LRRK1: variants seen among roughly 807,000 people sequenced by gnomAD.
LRRK1 encodes leucine rich repeat kinase 1.
In LRRK1, 113 loss-of-function variants were observed where a neutral mutation model predicts 209.1. The observed-to-expected ratio is 0.54, with a 90% CI of 0.46 to 0.63. The LOEUF is 0.63. Ranked by LOEUF, LRRK1 falls within the 30% of genes least tolerant of loss-of-function variation. LRRK1 has a pLI of 0.00. For missense variants in LRRK1, 2,284 were observed against 2,632.2 expected, an observed-to-expected ratio of 0.87 and a Z score of 2.89; for synonymous variants, 1,144 against 1,099.7, an observed-to-expected ratio of 1.04 and a Z score of -0.80.
chr15:101,036,347 G>A (rs1212593737), intron 20 of LRRK1, among the ~76,000 whole-genome samples: 1 of 151,862 alleles, frequency 6.6e-6, no homozygotes, highest in African/African-American at 2.4e-5. Flanking sequence ...TTGTCTTCAA[G>A]TTCTGAGATT....
chr15:100,994,005 A>G (rs1462773693), intron 6 of LRRK1, among the ~76,000 whole-genome samples: 1 of 152,206 alleles, frequency 6.6e-6, no homozygotes, highest in Non-Finnish European at 1.5e-5. Context: ...TAAGTGCTCA[A>G]TAAATATTAG....
intron 7 of LRRK1, among the ~76,000 whole-genome samples, chr15:101,009,843 C>T (rs961910443): frequency 1.3e-4 from 20 of 152,212 alleles, no homozygotes; most frequent in Non-Finnish European, 2.5e-4. Flanking sequence ...GCCTCGGCCT[C>T]CCAAAGTGCT....
At chr15:101,052,242 T>A (rs2035500930) in intron 24 of LRRK1, among the ~76,000 whole-genome samples, 1 of 152,190 alleles carries the variant, frequency 6.6e-6, no homozygotes, top group Non-Finnish European at 1.5e-5. Context: ...CTTCCCCTCG[T>A]AGCCAGAGCT....
Position 101,025,903 on chromosome 15 carries a change from T to C in LRRK1, c.2233-62T>C, listed in dbSNP as rs186228833. The C allele has an allele frequency of 1.1e-3, 1,678 of 1,576,190 alleles. 23 individuals carry two copies. The Admixed American group carries it at 0.024, about 22-fold the overall frequency. ...TCAGCGCACCTGCACAGCTGGGAGC[T>C]CTGTCCTGTCCCTTGTTCCATGAAC... On this transcript the variant is annotated intron_variant, in intron 16 of 33. Transcript: ENST00000388948.
At chr15:101,042,985 G>T (rs989144687) in intron 20 of LRRK1, among the ~76,000 whole-genome samples, 5 of 152,196 alleles carry the variant, frequency 3.3e-5, no homozygotes, top group South Asian at 4.1e-4. Flanking sequence ...ATGATGCTCT[G>T]CCCTAAACCA....
In LRRK1 at chr15:101,066,694, G is replaced by C; in HGVS notation, c.5823G>C (p.Arg1941=). Residue 1941 remains arginine (R), a synonymous_variant, in exon 33 of 34, where the codon CGG becomes CGC. Transcript: ENST00000388948. Reference sequence around the variant, plus strand: ...TGGAGAAGGATTCTGGCGCCCAGCGGGGCCGAGTCATTGCCGTCTTAAAAG... The same window carrying C: ...TGGAGAAGGATTCTGGCGCCCAGCGCGGCCGAGTCATTGCCGTCTTAAAAG... ...IGLEKDSGAQ[R]GRVIAVLKAR... 6.2e-7 allele frequency: 1 copy of C among 1,614,214 alleles called. No individual in the cohort carries two copies. The highest frequency in any genetic ancestry group is 8.5e-7 in the Non-Finnish European group (1 of 1,180,040).
At chr15:100,921,611 C>T (rs2042023500) in intron 1 of LRRK1, among the ~76,000 whole-genome samples, 2 of 152,240 alleles carry the variant, frequency 1.3e-5, no homozygotes, top group Non-Finnish European at 2.9e-5. Context: ...CTGTCAGAAG[C>T]TTTATAGCAA....
chr15:101,047,591 T>C (rs1324828589), intron 21 of LRRK1, among the ~76,000 whole-genome samples: 1 of 151,922 alleles, frequency 6.6e-6, no homozygotes, highest in Non-Finnish European at 1.5e-5. Context: ...GGGAAAAGAG[T>C]GCAGTCTCAT....
rs780297504 is a variant in LRRK1 at position 101,061,255 on chromosome 15, C to T, written c.4764C>T (p.Leu1588=). 6.2e-7 allele frequency: 1 copy of T among 1,614,062 alleles called. No individual in the cohort carries two copies. ...CTGGGATGAAGGTGAGCTGCCAGCT[C>T]CAGGTCCAGAGATCCCTGTGGACAG... is the stretch of plus-strand genomic sequence containing the variant. The part of the protein sequence containing the change: ...CCPGMKVSCQ[L]QVQRSLWTAT... The change falls in exon 30 of 34, where the codon CTC becomes CTT. Residue 1588 remains leucine (L), a synonymous_variant. Transcript: ENST00000388948.
chr15:101,063,419 C>G (rs1006591595), intron 31 of LRRK1, among the ~76,000 whole-genome samples: 1 of 152,228 alleles, frequency 6.6e-6, no homozygotes, highest in African/African-American at 2.4e-5. Context: ...CAGACGGCCT[C>G]CGATTCAGTT....
At position 100,953,508 on chromosome 15, in the gene LRRK1, C is replaced by CTA. The variant is rs60971994; in HGVS notation, c.98-20271_98-20270dup. Among the ~76,000 whole-genome samples, 635 of 146,568 alleles carry CTA rather than the reference C, an allele frequency of 4.3e-3. 1 individual carries two copies. The highest frequency in any genetic ancestry group is 0.027 in the East Asian group (133 of 5,016). The stretch of plus-strand genomic sequence containing the variant: ...CCATTGTGTGTGTGTATGTGTGTGT[C>CTA]TATATATATATATATATATATATAT... On this transcript the variant is annotated intron_variant, in intron 2 of 33. Transcript: ENST00000388948.
chr15:100,981,235 G>A (rs908063115), intron 3 of LRRK1, among the ~76,000 whole-genome samples: 6 of 152,184 alleles, frequency 3.9e-5, no homozygotes, highest in African/African-American at 9.7e-5. Flanking sequence ...CTCCTATGAC[G>A]TCACTTACCA....
At chr15:101,063,662 C>T (rs1035042178) in intron 31 of LRRK1, among the ~76,000 whole-genome samples, 1 of 133,482 alleles carries the variant, frequency 7.5e-6, no homozygotes, top group African/African-American at 2.6e-5. Flanking sequence ...TTCCAGTTTG[C>T]CCATCTACAA....
At chr15:100,938,615 C>T (rs1261767311) in intron 2 of LRRK1, among the ~76,000 whole-genome samples, 3 of 152,026 alleles carry the variant, frequency 2.0e-5, no homozygotes, top group Non-Finnish European at 2.9e-5. Flanking sequence ...ACCCCCTTCT[C>T]TCTCTTTCCA....
intron 2 of LRRK1, among the ~76,000 whole-genome samples, chr15:100,952,816 G>A (rs1365627823): frequency 2.0e-5 from 3 of 152,154 alleles, no homozygotes; most frequent in Non-Finnish European, 4.4e-5. Context: ...CAGGTTTTAA[G>A]TCTGCGTCAT....
At position 101,021,954 on chromosome 15, in the gene LRRK1, G is replaced by A. The variant is rs755662621; in HGVS notation, c.1849G>A (p.Glu617Lys). 4 of 1,609,408 alleles carry A rather than the reference G, an allele frequency of 2.5e-6. No individual in the cohort carries two copies. Among genetic ancestry groups the A allele is most frequent in the Non-Finnish European group, 2.6e-6 (3 of 1,175,854 alleles). ...CAATGTGCCTGCAGAAATCCAAAAA[G>A]AAGGTAGGGCTTCCGCAGCCCTGTC... ...ISNVPAEIQK[E>K]GPKAMLSYLR... Residue 617 changes from glutamate (E) to lysine (K), a missense_variant, in exon 14 of 34, where the codon GAA becomes AAA. Around this residue, in one of 6 missense-constraint regions of LRRK1, gnomAD observed 494 missense variants for 522.1 expected, o/e 0.95. Transcript: ENST00000388948.
chr15:100,946,817 T>C (rs1416813566), intron 2 of LRRK1, among the ~76,000 whole-genome samples: 1 of 152,150 alleles, frequency 6.6e-6, no homozygotes, highest in African/African-American at 2.4e-5. Context: ...TTGAACAACA[T>C]ACCAATTAGA....
At chr15:100,941,535 G>A (rs1596174245) in intron 2 of LRRK1, among the ~76,000 whole-genome samples, 2 of 151,062 alleles carry the variant, frequency 1.3e-5, no homozygotes, top group Non-Finnish European at 2.9e-5. Flanking sequence ...CTGATCGGTG[G>A]CCTGCCTGTG....
chr15:100,925,755 A>G (rs2042098152), intron 2 of LRRK1, among the ~76,000 whole-genome samples: 1 of 152,242 alleles, frequency 6.6e-6, no homozygotes, highest in Non-Finnish European at 1.5e-5. Context: ...AACCTGGCAC[A>G]TGGTACTTTT....
Sources: allele counts gnomAD v4.1 joint callset (sites outside exome capture counted in the v4.1 genomes callset), GRCh38; gene constraint gnomAD v4.1.1; regional missense constraint gnomAD v4.1.1; transcripts MANE v1.5; gene names NCBI Gene and HGNC (gene_info 2026-07-23, HGNC 2026-07-21).